The following DNAJB13 variants were observed in gnomAD, a reference collection of about 807,000 sequenced individuals.
DNAJB13 encodes dnaJ homolog subfamily B member 13.
Under a neutral mutation model 35.6 loss-of-function variants are expected in DNAJB13, and 22 were observed. The ratio of observed to expected loss-of-function variants is 0.62; its 90% CI spans 0.44 to 0.88. The LOEUF (loss-of-function observed/expected upper bound fraction) is 0.88, where lower values mean the gene tolerates loss of function less well. DNAJB13 is among the 40% of genes least tolerant of loss of function. The pLI, the probability that DNAJB13 is intolerant of heterozygous loss-of-function variation, is 0.00. For missense variants in DNAJB13, 370 were observed against 384.3 expected (o/e 0.96, Z 0.31); for synonymous variants, 136 against 144.2 (o/e 0.94, Z 0.41).
At chr11:73,962,396 G>A (rs1277808734) in intron 3 of DNAJB13, among the ~76,000 whole-genome samples, 2 of 137,188 alleles carry the variant, frequency 1.5e-5, no homozygotes, top group Non-Finnish European at 3.1e-5. Flanking sequence ...ATGAATAGAC[G>A]AGCACATGGT....
At chr11:73,957,678 A>G (rs1263495594) in intron 1 of DNAJB13, among the ~76,000 whole-genome samples, 5 of 152,142 alleles carry the variant, frequency 3.3e-5, no homozygotes, top group Non-Finnish European at 7.4e-5. Flanking sequence ...TGGGGAAAAA[A>G]TGAGCAGAGA....
chr11:73,965,758 G>A (rs1028607974), intron 4 of DNAJB13: 28 of 187,968 alleles, frequency 1.5e-4, no homozygotes, highest in African/African-American at 6.1e-4. Context: ...CGGGCCTCTG[G>A]GATTTGGAGA....
chr11:73,956,566 G>A (rs1950747803), intron 1 of DNAJB13, among the ~76,000 whole-genome samples: 1 of 152,110 alleles, frequency 6.6e-6, no homozygotes, highest in Admixed American at 6.6e-5. Context: ...ATTTTGGGAG[G>A]CTGTGGTGGG....
chr11:73,957,646 G>A (rs577762955), intron 1 of DNAJB13, among the ~76,000 whole-genome samples: 3 of 152,246 alleles, frequency 2.0e-5, no homozygotes, highest in African/African-American at 7.2e-5. Flanking sequence ...GCAAATAGCA[G>A]AGGACTGGGC....
chr11:73,968,735 C>CACT (rs1231451487), intron 6 of DNAJB13, among the ~76,000 whole-genome samples: 3 of 152,156 alleles, frequency 2.0e-5, no homozygotes, highest in Admixed American at 1.3e-4. Context: ...GACCCTGCCA[C>CACT]ACTCCTGTCT....
In DNAJB13 at chr11:73,970,038, T is replaced by A; in HGVS notation, c.875T>A (p.Ile292Asn). ...EDPTKKGDLF[I>N]FFDIQFPTRL... Reference sequence around the variant, plus strand: ...CCCACTAAGAAAGGGGATCTCTTCATCTTCTTCGACATCCAGTTCCCCACC... The same window carrying A: ...CCCACTAAGAAAGGGGATCTCTTCAACTTCTTCGACATCCAGTTCCCCACC... Residue 292 changes from isoleucine to asparagine, a missense_variant, in exon 8 of 8, where the codon ATC (isoleucine) becomes AAC (asparagine). Ile to Asn is a moderately radical substitution (Grantham distance 149). Transcript: ENST00000339764. 1 of 1,611,446 alleles carries A rather than the reference T, an allele frequency of 6.2e-7. No individual in the cohort carries two copies. The highest frequency in any genetic ancestry group is 8.5e-7 in the Non-Finnish European group (1 of 1,178,696).
chr11:73,961,577 C>T (rs535485669), intron 3 of DNAJB13, among the ~76,000 whole-genome samples: 1 of 152,350 alleles, frequency 6.6e-6, no homozygotes, highest in East Asian at 1.9e-4. Context: ...ACAGTGCCCA[C>T]CAGCTCCAGA....
Position 73,970,128 on chromosome 11 carries a change from G to C in DNAJB13, c.*14G>C, listed in dbSNP as rs1441818865. 2.6e-5 allele frequency: 41 copies of C among 1,584,452 alleles called. No individual in the cohort carries two copies. The highest frequency in any genetic ancestry group is 3.1e-5 in the Non-Finnish European group (36 of 1,163,880). ...TTGCTGACATGACTGTGGTGGGCTGGAGCAGGGGTGAGAGGAGGCTAGCCG... is the reference window on the plus strand; with the variant it reads ...TTGCTGACATGACTGTGGTGGGCTGCAGCAGGGGTGAGAGGAGGCTAGCCG... On this transcript the variant is annotated 3_prime_UTR_variant, in exon 8 of 8. Coordinates refer to ENST00000339764, the MANE Select transcript of DNAJB13 (RefSeq NM_153614.4).
chr11:73,969,217 G>A (rs747566444), intron 6 of DNAJB13, 29 bp from the exon 7 acceptor site: 5 of 819,084 alleles, frequency 6.1e-6, no homozygotes, highest in Non-Finnish European at 8.4e-6. Context: ...ACCCTCCTCA[G>A]CCCCACCTTT....
intron 3 of DNAJB13, chr11:73,964,594 G>C (rs1951028245): frequency 2.7e-6 from 1 of 371,286 alleles, no homozygotes; most frequent in Non-Finnish European, 4.9e-6. Context: ...GCGGGGTGGG[G>C]GGGGAATGTC....
chr11:73,964,008 A>T (rs902838771), intron 3 of DNAJB13: 3 of 152,202 alleles, frequency 2.0e-5, no homozygotes, highest in African/African-American at 7.2e-5. Context: ...CCCTGGACCA[A>T]TGAAATAATA....
intron 3 of DNAJB13, 78 bp from the exon 4 acceptor site, chr11:73,964,800 T>A: frequency 2.0e-6 from 2 of 1,022,120 alleles, no homozygotes; most frequent in Non-Finnish European, 2.9e-6. Context: ...TGTGTGTGTG[T>A]GTGTGTGTGT....
At chr11:73,968,293 C>T (rs1591208058) in intron 5 of DNAJB13, 52 bp from the exon 6 acceptor site, 2 of 1,542,950 alleles carry the variant, frequency 1.3e-6, no homozygotes, top group Non-Finnish European at 1.8e-6. Context: ...GGAACTTGGC[C>T]AAGGTCACAC....
In DNAJB13 at chr11:73,956,742, G is replaced by A. The variant is rs146824109; in HGVS notation, c.69-1575G>A. 3.1e-4 allele frequency among the ~76,000 whole-genome samples: 46 copies of A among 148,260 alleles called. No individual in the cohort carries two copies. The East Asian group carries it at 7.7e-3, about 25-fold the overall frequency. On this transcript the variant is annotated intron_variant, in intron 1 of 7. Coordinates refer to ENST00000339764, the MANE Select transcript of DNAJB13 (RefSeq NM_153614.4). ...CGCTTGAACCCAGGAAGCAGAGGTT[G>A]TAGTGAGTAGAGATTGTGCCATTGC...
intron 3 of DNAJB13, among the ~76,000 whole-genome samples, chr11:73,961,465 C>T (rs911899130): frequency 3.9e-5 from 6 of 152,144 alleles, no homozygotes; most frequent in African/African-American, 1.4e-4. Flanking sequence ...CCAGAGCACA[C>T]CATGAATGTA....
At position 73,970,074 on chromosome 11, in the gene DNAJB13, C is replaced by T. The variant is rs757487043; in HGVS notation, c.911C>T (p.Pro304Leu). The T allele has an allele frequency of 1.9e-6, 3 of 1,610,400 alleles. No individual in the cohort carries two copies. Among genetic ancestry groups the T allele is most frequent in the South Asian group, 2.2e-5 (2 of 89,940 alleles). The stretch of plus-strand genomic sequence containing the variant: ...ATCCAGTTCCCCACCCGCCTCACAC[C>T]CCAGAAGAAGCAGATGCTGCGCCAG... ...FDIQFPTRLT[P>L]QKKQMLRQAL... The change falls in exon 8 of 8, where the codon CCC (proline) becomes CTC (leucine). Residue 304 changes from proline to leucine, a missense_variant. Coordinates refer to ENST00000339764, the MANE Select transcript of DNAJB13 (RefSeq NM_153614.4).
chr11:73,969,421 GC>G, intron 7 of DNAJB13, 99 bp downstream of exon 7: 1 of 748,776 alleles, frequency 1.3e-6, no homozygotes, highest in Non-Finnish European at 2.3e-6. Flanking sequence ...TGTACAGGCT[GC>G]CCCCAGCAGA....
intron 5 of DNAJB13, among the ~76,000 whole-genome samples, chr11:73,967,205 G>C (rs1591205454): frequency 2.0e-5 from 3 of 152,258 alleles, no homozygotes; most frequent in Admixed American, 2.0e-4. Context: ...GTGTTGGCCA[G>C]ACTGGCCTCG....
At chr11:73,967,225 C>T (rs953656941) in intron 5 of DNAJB13, among the ~76,000 whole-genome samples, 1 of 152,150 alleles carries the variant, frequency 6.6e-6, no homozygotes, top group African/African-American at 2.4e-5. Context: ...GAAATCCTGA[C>T]CTCAGGTGAT....
Sources: gnomAD v4.1 joint callset for allele counts (sites outside exome capture counted in the v4.1 genomes callset) on GRCh38, gnomAD v4.1.1 for gene constraint, MANE v1.5 for transcripts, NCBI Gene and HGNC (gene_info 2026-07-23, HGNC 2026-07-21) for gene names.